Variants in CSMD1 observed in about 807,000 individuals in gnomAD.
The protein encoded by CSMD1 is CUB and Sushi multiple domains 1, also known as CUB and sushi domain-containing protein 1.
A neutral mutation model predicts 417.5 loss-of-function variants in CSMD1; 213 were observed. That is an observed-to-expected ratio of 0.51 (90% CI 0.46 to 0.57). The LOEUF (loss-of-function observed/expected upper bound fraction) is 0.57, where lower values mean the gene tolerates loss of function less well. CSMD1 is among the 20% of genes least tolerant of loss of function. CSMD1 has a pLI of 0.00. For missense variants in CSMD1, 6,923 were observed against 4,529.7 expected, an observed-to-expected ratio of 1.53 and a Z score of -15.17; for synonymous variants, 2,862 against 1,736.8, an observed-to-expected ratio of 1.65 and a Z score of -16.11.
intron 6 of CSMD1, among the ~76,000 whole-genome samples, chr8:3,741,834 C>T (rs1039258636): frequency 7.9e-5 from 12 of 152,124 alleles, no homozygotes; most frequent in Non-Finnish European, 1.3e-4. Context: ...CAAATGTGCT[C>T]AAGTCGGCTT....
intron 5 of CSMD1, among the ~76,000 whole-genome samples, chr8:3,986,765 CT>C (rs200767071): frequency 0.26 from 38,860 of 150,832 alleles, 5,030 homozygotes; most frequent in East Asian, 0.38. Context: ...AGTGATTTTT[CT>C]TTTTTTTTAG....
intron 3 of CSMD1, among the ~76,000 whole-genome samples, chr8:4,281,206 A>G (rs1180329425): frequency 6.6e-6 from 1 of 152,182 alleles, no homozygotes; most frequent in Non-Finnish European, 1.5e-5. Context: ...TGGAAATATA[A>G]AAGTGGAAAA....
intron 25 of CSMD1, among the ~76,000 whole-genome samples, chr8:3,297,067 A>G (rs1218083919): frequency 6.6e-6 from 1 of 152,240 alleles, no homozygotes; most frequent in Non-Finnish European, 1.5e-5. Flanking sequence ...CTGGTCACAT[A>G]TGTTTGCCAT....
At chr8:3,879,658 G>A (rs1356664206) in intron 5 of CSMD1, among the ~76,000 whole-genome samples, 1 of 152,084 alleles carries the variant, frequency 6.6e-6, no homozygotes, top group Non-Finnish European at 1.5e-5. Context: ...TTTCTGTGTA[G>A]ACACCAATAT....
At chr8:4,777,143 A>G (rs189718183) in intron 1 of CSMD1, among the ~76,000 whole-genome samples, 3 of 152,308 alleles carry the variant, frequency 2.0e-5, no homozygotes, top group African/African-American at 4.8e-5. Context: ...CCACATTGAG[A>G]CGGATAATTA....
At chr8:4,010,316 G>T (rs192083012) in intron 4 of CSMD1, among the ~76,000 whole-genome samples, 33 of 152,186 alleles carry the variant, frequency 2.2e-4, no homozygotes, top group Admixed American at 5.2e-4. Flanking sequence ...CCTCTGCCTT[G>T]TAGTCATCTA....
intron 1 of CSMD1, among the ~76,000 whole-genome samples, chr8:4,868,707 A>G (rs1802560173): frequency 6.6e-6 from 1 of 152,032 alleles, no homozygotes; most frequent in Non-Finnish European, 1.5e-5. Context: ...GGTCGAAAGT[A>G]TTTGATGCGG....
chr8:2,988,943 A>G (rs1310747218), intron 54 of CSMD1, among the ~76,000 whole-genome samples: 2 of 152,154 alleles, frequency 1.3e-5, no homozygotes, highest in Non-Finnish European at 2.9e-5. Context: ...CTCTGTTTCA[A>G]AATGTGGGAT....
At chr8:3,621,983 G>A (rs1048320948) in intron 7 of CSMD1, among the ~76,000 whole-genome samples, 1 of 114,100 alleles carries the variant, frequency 8.8e-6, no homozygotes, top group Non-Finnish European at 1.9e-5. Context: ...CTCTTTGTGT[G>A]TGTGTGTATG....
At chr8:4,327,089 T>C (rs1799602498) in intron 3 of CSMD1, among the ~76,000 whole-genome samples, 2 of 152,140 alleles carry the variant, frequency 1.3e-5, no homozygotes, top group African/African-American at 4.8e-5. Context: ...TTGTAGCATA[T>C]TCTTGAACAG....
intron 5 of CSMD1, among the ~76,000 whole-genome samples, chr8:3,886,208 C>T (rs191389752): frequency 7.5e-4 from 114 of 152,184 alleles, no homozygotes; most frequent in Non-Finnish European, 1.3e-3. Context: ...CACCACCATG[C>T]CCAGCTAATT....
intron 1 of CSMD1, among the ~76,000 whole-genome samples, chr8:4,839,691 C>G (rs914020003): frequency 6.6e-6 from 1 of 152,160 alleles, no homozygotes; most frequent in African/African-American, 2.4e-5. Flanking sequence ...TCTCACTTCT[C>G]ATGAACTCAA....
intron 3 of CSMD1, among the ~76,000 whole-genome samples, chr8:4,122,417 A>G (rs144340530): frequency 5.9e-5 from 9 of 152,318 alleles, no homozygotes; most frequent in African/African-American, 1.9e-4. Flanking sequence ...TTAAATATGA[A>G]CAACAAACCT....
intron 12 of CSMD1, among the ~76,000 whole-genome samples, chr8:3,437,782 C>T (rs573131030): frequency 1.3e-5 from 2 of 150,428 alleles, no homozygotes; most frequent in Admixed American, 6.6e-5. Context: ...GAGTCTTGCT[C>T]TGTTGCCCAG....
intron 1 of CSMD1, among the ~76,000 whole-genome samples, chr8:4,918,992 T>A (rs975172776): frequency 2.0e-5 from 3 of 152,218 alleles, no homozygotes. Context: ...TTTGGGCACC[T>A]AAAATACATG....
intron 26 of CSMD1, among the ~76,000 whole-genome samples, chr8:3,267,993 G>A (rs1001849227): frequency 6.6e-6 from 1 of 152,170 alleles, no homozygotes; most frequent in African/African-American, 2.4e-5. Flanking sequence ...TCATTGCCCT[G>A]TGTGGGCTCA....
chr8:4,980,437 T>C (rs1205766442), intron 1 of CSMD1, among the ~76,000 whole-genome samples: 1 of 152,158 alleles, frequency 6.6e-6, no homozygotes, highest in African/African-American at 2.4e-5. Flanking sequence ...GGAAGGAGTT[T>C]GTCAGGCGAG....
At chr8:4,476,375 CT>C (rs773211957) in intron 2 of CSMD1, among the ~76,000 whole-genome samples, 1 of 152,084 alleles carries the variant, frequency 6.6e-6, no homozygotes, top group Non-Finnish European at 1.5e-5. Context: ...ACAATTTTGG[CT>C]TTACATTTTG....
intron 3 of CSMD1, among the ~76,000 whole-genome samples, chr8:4,271,553 T>G (rs1804595906): frequency 6.6e-6 from 1 of 151,120 alleles, no homozygotes. Context: ...ACCATTACAA[T>G]TACATTTCAA....
Sources: gnomAD v4.1 joint callset for allele counts (sites outside exome capture counted in the v4.1 genomes callset) on GRCh38, gnomAD v4.1.1 for gene constraint, MANE v1.5 for transcripts, NCBI Gene and HGNC (gene_info 2026-07-23, HGNC 2026-07-21) for gene names.